The following SYTL5 variants were observed in gnomAD, a reference collection of about 807,000 sequenced individuals.
SYTL5 encodes the protein synaptotagmin like 5.
Under a neutral mutation model 55.9 loss-of-function variants are expected in SYTL5, and 34 were observed. The ratio of observed to expected loss-of-function variants is 0.61; its 90% confidence interval spans 0.46 to 0.81. SYTL5 has a LOEUF of 0.81. Ranked by LOEUF, SYTL5 falls within the 30% of genes least tolerant of loss-of-function variation. The pLI is 0.00. For synonymous variants in SYTL5, 221 were observed against 188.7 expected (o/e 1.17, Z -1.40); for missense variants, 637 against 546.7 (o/e 1.17, Z -1.65).
intron 3 of SYTL5, among the ~76,000 whole-genome samples, chrX:38,060,050 C>T (rs1242424989): frequency 9.0e-6 from 1 of 111,168 alleles, no homozygotes; most frequent in Non-Finnish European, 1.9e-5. Flanking sequence ...AGCTTCTGTA[C>T]CGGGAGAAGA....
chrX:38,080,144 T>C (rs1936492618), intron 6 of SYTL5, among the ~76,000 whole-genome samples: 1 of 110,790 alleles, frequency 9.0e-6, no homozygotes, highest in Non-Finnish European at 1.9e-5. Flanking sequence ...GCAGGTGACA[T>C]CCATTAGCAG....
In SYTL5 at chrX:38,106,582, G is replaced by T. The variant is rs1436010970; in HGVS notation, c.1156-11G>T. On this transcript the variant is annotated splice_polypyrimidine_tract_variant and intron_variant, in intron 10 of 16. Coordinates refer to ENST00000297875, the MANE Select transcript of SYTL5 (RefSeq NM_138780.3). The stretch of plus-strand genomic sequence containing the variant: ...GACACTAGAAGCCTTTTTCCATCTT[G>T]TTTATTCCAGACCAGCCTTAACAGC... The T allele has an allele frequency of 6.0e-6, 7 of 1,167,301 alleles. No individual in the cohort carries two copies. In the Admixed American group the frequency reaches 7.8e-5, roughly 13 times the overall value.
At chrX:38,025,869 T>C (rs1056666576) in intron 1 of SYTL5, among the ~76,000 whole-genome samples, 1 of 112,149 alleles carries the variant, frequency 8.9e-6, no homozygotes, top group Non-Finnish European at 1.9e-5. Flanking sequence ...TGGTCTTCAG[T>C]GCAAAGGCTG....
intron 2 of SYTL5, among the ~76,000 whole-genome samples, chrX:38,050,681 G>C (rs1239646458): frequency 9.0e-6 from 1 of 111,386 alleles, no homozygotes; most frequent in Non-Finnish European, 1.9e-5. Context: ...AGTCAATATA[G>C]GTTAAGTGAT....
Position 38,021,474 on chromosome X carries a change from C to T in SYTL5, c.-356-12060C>T, listed in dbSNP as rs755434674. ...GTTAGGAATACAGGGCTGATCAAGA[C>T]AAAACGAGATATCCCACAGAGCTTA... On this transcript the variant is annotated intron_variant, in intron 1 of 16. Transcript: ENST00000297875. Among the ~76,000 whole-genome samples the T allele has an allele frequency of 3.5e-4, 39 of 112,236 alleles. 1 individual carries two copies. Among genetic ancestry groups the T allele is most frequent in the African/African-American group, 1.2e-3 (36 of 30,973 alleles).
At chrX:38,077,806 C>G (rs902891088) in intron 6 of SYTL5, among the ~76,000 whole-genome samples, 31 of 112,162 alleles carry the variant, frequency 2.8e-4, no homozygotes, top group African/African-American at 1.0e-3. Flanking sequence ...TTGCCTTTAT[C>G]CTTGAAATAG....
chrX:38,024,709 A>C (rs1934694883), intron 1 of SYTL5, among the ~76,000 whole-genome samples: 1 of 111,645 alleles, frequency 9.0e-6, no homozygotes, highest in Non-Finnish European at 1.9e-5. Context: ...TTTCATTAGG[A>C]AGTCATAAGG....
chrX:38,020,472 C>A (rs1934517581), intron 1 of SYTL5, among the ~76,000 whole-genome samples: 1 of 85,676 alleles, frequency 1.2e-5, no homozygotes, highest in African/African-American at 4.4e-5. Flanking sequence ...TAATTGGGAC[C>A]ATACTGCATA....
rs189804554 is a variant in SYTL5 at position 38,037,092 on chromosome X, G to C, written c.119+3084G>C. ...GTACAAAATTACCTTCGGGTGACTG[G>C]AGTTTCCCATAGGATTAAAGAGACA... On this transcript the variant is annotated intron_variant, in intron 2 of 16. Coordinates refer to ENST00000297875, the MANE Select transcript of SYTL5 (RefSeq NM_138780.3). 2.0e-3 allele frequency among the ~76,000 whole-genome samples: 227 copies of C among 111,657 alleles called. 3 individuals are homozygous for C. The highest frequency in any genetic ancestry group is 6.9e-3 in the African/African-American group (213 of 30,727).
At chrX:37,956,273 T>A in the SYTL5 span, among the ~76,000 whole-genome samples, 3 of 112,011 alleles carry the variant, frequency 2.7e-5, no homozygotes, top group East Asian at 8.4e-4. Flanking sequence ...AGATAATTAA[T>A]TTAGTTCATT....
chrX:38,032,134 A>G (rs1364876009), intron 1 of SYTL5, among the ~76,000 whole-genome samples: 1 of 112,112 alleles, frequency 8.9e-6, no homozygotes, highest in African/African-American at 3.2e-5. Flanking sequence ...GAGGCCCCAA[A>G]GCAGCCTTTA....
the SYTL5 span, among the ~76,000 whole-genome samples, chrX:37,953,405 A>G: frequency 8.9e-6 from 1 of 111,771 alleles, no homozygotes; most frequent in East Asian, 2.8e-4. Flanking sequence ...GATTTAAGCC[A>G]AAGAGTAGAA....
chrX:37,892,819 A>C, the SYTL5 span, among the ~76,000 whole-genome samples: 47 of 96,546 alleles, frequency 4.9e-4, no homozygotes, highest in African/African-American at 1.7e-3. Context: ...TATGTATAAT[A>C]TATACACATA....
chrX:37,945,055 A>G, the SYTL5 span, among the ~76,000 whole-genome samples: 1 of 113,131 alleles, frequency 8.8e-6, no homozygotes, highest in Non-Finnish European at 1.9e-5. Context: ...TATTGTTTCA[A>G]TAAATTGTAC....
chrX:37,921,830 A>G, the SYTL5 span, among the ~76,000 whole-genome samples: 14,770 of 111,352 alleles, frequency 0.13, 1,641 homozygotes, highest in African/African-American at 0.37. Context: ...AGAGGGAACA[A>G]TAATAGTGAA....
the SYTL5 span, among the ~76,000 whole-genome samples, chrX:37,940,301 T>G: frequency 1.8e-5 from 2 of 110,223 alleles, no homozygotes; most frequent in African/African-American, 3.3e-5. Context: ...TCCTTTTTCA[T>G]ACAAATGAAA....
chrX:37,909,330 A>G, the SYTL5 span, among the ~76,000 whole-genome samples: 2 of 112,452 alleles, frequency 1.8e-5, no homozygotes, highest in Non-Finnish European at 3.8e-5. Context: ...TAATGATTAC[A>G]ATTGTCTTAG....
the SYTL5 span, among the ~76,000 whole-genome samples, chrX:37,907,858 C>G: frequency 8.9e-6 from 1 of 111,760 alleles, no homozygotes; most frequent in Non-Finnish European, 1.9e-5. Flanking sequence ...TTGAAAAAAT[C>G]TATATATTGT....
intron 15 of SYTL5, among the ~76,000 whole-genome samples, chrX:38,123,800 G>T (rs1033391744): frequency 8.9e-6 from 1 of 111,735 alleles, no homozygotes; most frequent in Non-Finnish European, 1.9e-5. Context: ...ATAACTTTCC[G>T]GTAAATTCTG....
Sources: gnomAD v4.1 joint callset for allele counts (sites outside exome capture counted in the v4.1 genomes callset) on GRCh38, gnomAD v4.1.1 for gene constraint, MANE v1.5 for transcripts, NCBI Gene and HGNC (gene_info 2026-07-23, HGNC 2026-07-21) for gene names.